NPRL3: variants seen among roughly 807,000 people sequenced by gnomAD.
NPRL3 encodes GATOR1 complex protein NPRL3.
In NPRL3, 23 loss-of-function variants were observed where a neutral mutation model predicts 57.2. That is an observed-to-expected ratio of 0.40 (90% CI 0.29 to 0.57). The LOEUF (loss-of-function observed/expected upper bound fraction) is 0.57. Ranked by LOEUF, NPRL3 falls within the 20% of genes least tolerant of loss-of-function variation. The pLI is 0.42. For synonymous variants in NPRL3, 333 were observed against 321.1 expected (o/e 1.04, Z -0.39); for missense variants, 691 against 767.1 (o/e 0.90, Z 1.17).
intron 3 of NPRL3, among the ~76,000 whole-genome samples, chr16:121,609 A>C (rs1291660136): frequency 1.5e-5 from 2 of 135,116 alleles, no homozygotes; most frequent in African/African-American, 5.2e-5. Context: ...GACAGAGCGA[A>C]ACTCCGTCTC....
intron 7 of NPRL3, among the ~76,000 whole-genome samples, chr16:107,147 T>C (rs1388519654): frequency 6.6e-6 from 1 of 152,208 alleles, no homozygotes; most frequent in Non-Finnish European, 1.5e-5. Flanking sequence ...TGCTACATGC[T>C]GAACAACAGC....
intron 5 of NPRL3, among the ~76,000 whole-genome samples, chr16:114,798 T>C (rs977965783): frequency 6.6e-6 from 1 of 152,024 alleles, no homozygotes; most frequent in African/African-American, 2.4e-5. Flanking sequence ...TATACAGATA[T>C]CTTCTGAAGT....
intron 3 of NPRL3, among the ~76,000 whole-genome samples, chr16:120,712 G>A (rs1204608963): frequency 1.3e-5 from 2 of 152,122 alleles, no homozygotes; most frequent in Non-Finnish European, 2.9e-5. Flanking sequence ...AGTTATCCTG[G>A]GAAACGCAGG....
intron 5 of NPRL3, among the ~76,000 whole-genome samples, chr16:116,008 T>C (rs899726464): frequency 2.0e-5 from 3 of 152,232 alleles, no homozygotes; most frequent in Non-Finnish European, 4.4e-5. Context: ...CTTTACGCAG[T>C]TGTAAAAGTT....
At chr16:128,854 G>A (rs1900662883) in intron 3 of NPRL3, among the ~76,000 whole-genome samples, 2 of 152,144 alleles carry the variant, frequency 1.3e-5, no homozygotes, top group South Asian at 4.1e-4. Flanking sequence ...CTATGACAAG[G>A]CAGAGCAGGG....
intron 2 of NPRL3, among the ~76,000 whole-genome samples, chr16:135,113 A>C (rs1295680408): frequency 1.3e-5 from 2 of 152,216 alleles, no homozygotes; most frequent in Non-Finnish European, 2.9e-5. Flanking sequence ...GAGCAGAATC[A>C]ATTAGTGGAA....
At chr16:102,171 G>T (rs558280272) in intron 7 of NPRL3, among the ~76,000 whole-genome samples, 1 of 152,280 alleles carries the variant, frequency 6.6e-6, no homozygotes, top group South Asian at 2.1e-4. Flanking sequence ...AACAAGGAAG[G>T]AGTTGTTTTC....
At chr16:100,143 G>A (rs1899214323) in intron 8 of NPRL3, among the ~76,000 whole-genome samples, 1 of 152,036 alleles carries the variant, frequency 6.6e-6, no homozygotes, top group East Asian at 1.9e-4. Flanking sequence ...CCAAGCCTAA[G>A]GTGGTGCCAG....
At chr16:132,880 A>C (rs558681761) in intron 2 of NPRL3, among the ~76,000 whole-genome samples, 1 of 152,296 alleles carries the variant, frequency 6.6e-6, no homozygotes, top group East Asian at 1.9e-4. Context: ...TGTGTTAGCC[A>C]GGATGGTCTT....
At chr16:98,017 C>T (rs1176810811) in intron 9 of NPRL3, 128 bp downstream of exon 9, 2 of 1,189,008 alleles carry the variant, frequency 1.7e-6, no homozygotes, top group Non-Finnish European at 2.4e-6. Context: ...CTGGCCCCAC[C>T]CCATGGTGGG....
At chr16:100,878 G>C (rs12918306) in intron 7 of NPRL3, among the ~76,000 whole-genome samples, 28,811 of 141,882 alleles carry the variant, frequency 0.2, 3,665 homozygotes, top group Non-Finnish European at 0.28. Context: ...GGCTGAGGCA[G>C]GAGAATCACT....
intron 5 of NPRL3, among the ~76,000 whole-genome samples, chr16:115,983 A>G (rs1900016388): frequency 6.6e-6 from 1 of 152,234 alleles, no homozygotes; most frequent in Admixed American, 6.5e-5. Flanking sequence ...TGCTGAGAAC[A>G]AGCCTGGGGG....
rs1596489934 is a variant in NPRL3 at position 85,490 on chromosome 16, A to C, written c.*1215T>G. 6.2e-7 allele frequency: 1 copy of C among 1,613,104 alleles called. No homozygotes were observed. The stretch of plus-strand genomic sequence containing the variant: ...GCTTCGCAGCACCCTCCGGAAAGGC[A>C]CCGCCAGCCGTGTCCTCAAGGACCG... On this transcript the variant is annotated 3_prime_UTR_variant, in exon 14 of 14. Coordinates refer to ENST00000611875, the MANE Select transcript of NPRL3 (RefSeq NM_001077350.3).
chr16:113,419 C>T (rs216086), intron 5 of NPRL3, among the ~76,000 whole-genome samples: 9,083 of 152,212 alleles, frequency 0.06, 875 homozygotes, highest in African/African-American at 0.2. Flanking sequence ...ATATCTCTGC[C>T]CAAGAGCTCC....
At chr16:104,625 A>T (rs1241173072) in intron 7 of NPRL3, among the ~76,000 whole-genome samples, 1 of 152,164 alleles carries the variant, frequency 6.6e-6, no homozygotes, top group Non-Finnish European at 1.5e-5. Context: ...TCTAACTTCC[A>T]CGTGGACTTT....
intron 4 of NPRL3, among the ~76,000 whole-genome samples, 185 bp downstream of exon 4, chr16:118,941 C>T (rs929147463): frequency 1.3e-5 from 2 of 151,684 alleles, no homozygotes; most frequent in Non-Finnish European, 2.9e-5. Flanking sequence ...CAGGGGAAGC[C>T]ACATCTGCCC....
intron 3 of NPRL3, chr16:123,615 C>T (rs895400481): frequency 2.2e-6 from 1 of 464,032 alleles, no homozygotes; most frequent in Non-Finnish European, 4.5e-6. Flanking sequence ...TGAAAAGTTA[C>T]AAGGCTATTT....
chr16:128,148 T>C (rs77383092), intron 3 of NPRL3, among the ~76,000 whole-genome samples: 2 of 152,094 alleles, frequency 1.3e-5, no homozygotes, highest in African/African-American at 2.4e-5. Flanking sequence ...TGTGCTCCCA[T>C]GCCCGACAAA....
Position 103,266 on chromosome 16 carries a change from C to T in NPRL3, c.630-2757G>A, listed in dbSNP as rs572294409. On this transcript the variant is annotated intron_variant, in intron 7 of 13. Coordinates refer to ENST00000611875, the MANE Select transcript of NPRL3 (RefSeq NM_001077350.3). ...AAGACAACCTCCCAAGTAACTGGGACTACAGACGTGCAACATCACGCCTGG... is the reference window on the plus strand; with the variant it reads ...AAGACAACCTCCCAAGTAACTGGGATTACAGACGTGCAACATCACGCCTGG... Among the ~76,000 whole-genome samples the T allele has an allele frequency of 2.1e-4, 29 of 139,244 alleles. No homozygotes were observed. In the South Asian group the frequency reaches 4.2e-3, roughly 20 times the overall value. The allele number at this position is 139,244 out of a possible 152,430, so 91.3% of individuals were successfully genotyped here. A position where few individuals can be genotyped will look rare whatever the true frequency, so the allele number is the denominator to read the frequency against.
Sources: allele counts gnomAD v4.1 joint callset (sites outside exome capture counted in the v4.1 genomes callset), GRCh38; gene constraint gnomAD v4.1.1; transcripts MANE v1.5; gene names NCBI Gene and HGNC (gene_info 2026-07-23, HGNC 2026-07-21).